ANKS1B: variants seen among roughly 807,000 people sequenced by gnomAD.
ANKS1B encodes ankyrin repeat and sterile alpha motif domain-containing protein 1B.
In ANKS1B, 36 loss-of-function variants were observed where a neutral mutation model predicts 148.3. That is an observed-to-expected ratio of 0.24 (90% CI 0.19 to 0.32). ANKS1B has a LOEUF of 0.32. Among genes scored for constraint, ANKS1B ranks in the 10% least tolerant of loss-of-function variants. The probability of loss-of-function intolerance (pLI) is 1.00; values close to 1 mark genes in which losing one functional copy is unlikely to be tolerated. For synonymous variants in ANKS1B, 542 were observed against 560.8 expected, an observed-to-expected ratio of 0.97 and a Z score of 0.47; for missense variants, 1,157 against 1,542.6, an observed-to-expected ratio of 0.75 and a Z score of 4.19.
chr12:99,729,593 A>G (rs2058942109), intron 8 of ANKS1B, among the ~76,000 whole-genome samples: 2 of 152,168 alleles, frequency 1.3e-5, no homozygotes, highest in Admixed American at 1.3e-4. Flanking sequence ...CTTTGAACAT[A>G]TCTACAATGG....
intron 11 of ANKS1B, among the ~76,000 whole-genome samples, chr12:99,441,740 T>C (rs909384793): frequency 2.6e-5 from 4 of 151,932 alleles, no homozygotes; most frequent in Admixed American, 1.3e-4. Flanking sequence ...GTTACTAAGA[T>C]AAACATTTAA....
chr12:99,350,501 T>G (rs1842992690), intron 12 of ANKS1B, among the ~76,000 whole-genome samples: 1 of 151,996 alleles, frequency 6.6e-6, no homozygotes, highest in South Asian at 2.1e-4. Flanking sequence ...ACTGTAGACA[T>G]CCCAGTTCTG....
chr12:98,956,825 A>G (rs1403504), intron 17 of ANKS1B, among the ~76,000 whole-genome samples: 9,661 of 152,024 alleles, frequency 0.064, 588 homozygotes, highest in East Asian at 0.17. Context: ...ATACTTTCTC[A>G]ATTTCCATGC....
At chr12:99,276,771 C>T (rs949151475) in intron 12 of ANKS1B, among the ~76,000 whole-genome samples, 1 of 152,128 alleles carries the variant, frequency 6.6e-6, no homozygotes, top group African/African-American at 2.4e-5. Flanking sequence ...ACTGTGCCTG[C>T]CATTTTATAG....
chr12:98,788,388 A>G (rs1324945924), intron 22 of ANKS1B, among the ~76,000 whole-genome samples: 1 of 152,186 alleles, frequency 6.6e-6, no homozygotes. Context: ...GACAGGGTAG[A>G]AGGATTCCTA....
intron 14 of ANKS1B, among the ~76,000 whole-genome samples, chr12:99,213,569 T>G (rs1040984556): frequency 2.0e-5 from 3 of 152,190 alleles, no homozygotes; most frequent in African/African-American, 7.2e-5. Context: ...AGCCTTGAGG[T>G]CCATAATGGG....
At chr12:99,812,556 CACAGAGAGAGAGAG>C (rs1385042991) in intron 2 of ANKS1B, among the ~76,000 whole-genome samples, 10 of 63,122 alleles carry the variant, frequency 1.6e-4, no homozygotes, top group East Asian at 9.9e-4. Flanking sequence ...CACACACACA[CACAGAGAGAGAGAG>C]AGAGAGAAAG....
In ANKS1B at chr12:99,681,059, C is replaced by T. The variant is rs77610301; in HGVS notation, c.1129-25849G>A. Among the ~76,000 whole-genome samples the T allele has an allele frequency of 3.8e-3, 585 of 152,270 alleles. 28 individuals are homozygous for T. The East Asian group carries it at 0.065, about 17-fold the overall frequency. Reference sequence around the variant, plus strand: ...GCCTCCACTTGATGATTTTTCTCCACCTGCCCTGGTAGCCAAAGACAAAAG... The same window carrying T: ...GCCTCCACTTGATGATTTTTCTCCATCTGCCCTGGTAGCCAAAGACAAAAG... On this transcript the variant is annotated intron_variant, in intron 8 of 26. Coordinates refer to ENST00000683438, the MANE Select transcript of ANKS1B (RefSeq NM_001352186.2).
At chr12:99,982,378 G>C (rs1331032974) in intron 1 of ANKS1B, among the ~76,000 whole-genome samples, 1 of 150,954 alleles carries the variant, frequency 6.6e-6, no homozygotes, top group East Asian at 1.9e-4. Context: ...GTATTTAAAG[G>C]ATGTTTGCTT....
chr12:99,146,413 T>C (rs1265984790), intron 15 of ANKS1B, among the ~76,000 whole-genome samples: 1 of 152,120 alleles, frequency 6.6e-6, no homozygotes, highest in Non-Finnish European at 1.5e-5. Flanking sequence ...AAGTGATGCT[T>C]AAGCTGATTC....
chr12:99,948,457 T>G (rs1452971995), intron 1 of ANKS1B, among the ~76,000 whole-genome samples: 1 of 152,136 alleles, frequency 6.6e-6, no homozygotes, highest in Admixed American at 6.5e-5. Flanking sequence ...ATTAGTATCA[T>G]TTTAATTTAG....
intron 15 of ANKS1B, among the ~76,000 whole-genome samples, chr12:99,143,203 G>A (rs1250349273): frequency 6.6e-6 from 1 of 152,020 alleles, no homozygotes; most frequent in Non-Finnish European, 1.5e-5. Context: ...TCTAAGAGAA[G>A]GTAAAAGTAT....
At chr12:99,637,200 T>C (rs2098246681) in intron 9 of ANKS1B, among the ~76,000 whole-genome samples, 1 of 152,178 alleles carries the variant, frequency 6.6e-6, no homozygotes, top group Non-Finnish European at 1.5e-5. Flanking sequence ...TAGTCCCAGC[T>C]ACTCAGGAGG....
intron 12 of ANKS1B, among the ~76,000 whole-genome samples, chr12:99,253,681 A>G (rs2074925351): frequency 6.6e-6 from 1 of 152,232 alleles, no homozygotes; most frequent in Admixed American, 6.5e-5. Context: ...AAGTTTGACT[A>G]GGAATGGGAA....
At chr12:98,758,454 T>G (rs1270279072) in intron 25 of ANKS1B, among the ~76,000 whole-genome samples, 2 of 152,242 alleles carry the variant, frequency 1.3e-5, no homozygotes, top group Non-Finnish European at 2.9e-5. Flanking sequence ...CTGACCCATC[T>G]TGGCTGTGGT....
At chr12:98,736,261 A>G (rs2097772494) in intron 9 of ANKS1B, among the ~76,000 whole-genome samples, 1 of 152,216 alleles carries the variant, frequency 6.6e-6, no homozygotes, top group Non-Finnish European at 1.5e-5. Context: ...GACAAAATGA[A>G]GGTGGGCCAG....
At chr12:99,888,880 C>T (rs917310338) in intron 1 of ANKS1B, among the ~76,000 whole-genome samples, 2 of 151,694 alleles carry the variant, frequency 1.3e-5, no homozygotes, top group Admixed American at 6.6e-5. Context: ...TTCAATAAAA[C>T]AATATCTCAG....
chr12:99,052,752 A>AAAAAAAG (rs1565770305), intron 17 of ANKS1B, among the ~76,000 whole-genome samples: 2 of 144,870 alleles, frequency 1.4e-5, no homozygotes, highest in Non-Finnish European at 3.0e-5. Flanking sequence ...AAAAAAAAAA[A>AAAAAAAG]AAAAAAGAAA....
chr12:99,359,071 T>A (rs1014946060), intron 12 of ANKS1B, among the ~76,000 whole-genome samples: 4 of 152,104 alleles, frequency 2.6e-5, no homozygotes, highest in Admixed American at 2.6e-4. Flanking sequence ...AAGAAATTGA[T>A]CTCTCTACCC....
Sources: gnomAD v4.1 joint callset for allele counts (sites outside exome capture counted in the v4.1 genomes callset) on GRCh38, gnomAD v4.1.1 for gene constraint, MANE v1.5 for transcripts, NCBI Gene and HGNC (gene_info 2026-07-23, HGNC 2026-07-21) for gene names.